Variants in GNE observed in about 807,000 individuals in gnomAD.
GNE encodes glucosamine (UDP-N-acetyl)-2-epimerase/N-acetylmannosamine kinase, also known as bifunctional UDP-N-acetylglucosamine 2-epimerase/N-acetylmannosamine kinase.
In GNE, 41 loss-of-function variants were observed where a neutral mutation model predicts 61.8. The observed-to-expected ratio is 0.66, with a 90% CI of 0.52 to 0.86. GNE has a LOEUF of 0.86. GNE is among the 40% of genes least tolerant of loss of function. GNE has a pLI of 0.00. For missense variants in GNE, 608 were observed against 909.1 expected (o/e 0.67, Z 4.26); for synonymous variants, 264 against 326.4 (o/e 0.81, Z 2.06).
At position 36,216,304 on chromosome 9, in the gene GNE, A is replaced by C. The variant is rs1828273859; in HGVS notation, c.*1061T>G. 1 of 380,294 alleles carries C rather than the reference A, an allele frequency of 2.6e-6. No individual in the cohort carries two copies. Among genetic ancestry groups the C allele is most frequent in the Non-Finnish European group, 5.2e-6 (1 of 192,166 alleles). The allele number at this position is 380,294 out of a possible 1,614,324, so 23.6% of individuals were successfully genotyped here. On this transcript the variant is annotated 3_prime_UTR_variant, in exon 12 of 12. Coordinates refer to ENST00000642385, the MANE Select transcript of GNE (RefSeq NM_005476.7). ...TGACTGGATCACCTTCTGTGATCTT[A>C]GTTTGGGGTTAGAGGAGGAAGGATG...
chr9:36,236,726 C>A, intron 4 of GNE, 106 bp downstream of exon 4: 4 of 951,448 alleles, frequency 4.2e-6, no homozygotes, highest in Non-Finnish European at 6.8e-6. Context: ...GAATAGAGTG[C>A]CCTTCAATGA....
chr9:36,230,881 C>G (rs1436304317), intron 5 of GNE, among the ~76,000 whole-genome samples: 1 of 151,882 alleles, frequency 6.6e-6, no homozygotes, highest in African/African-American at 2.4e-5. Context: ...AGGTGTTGAG[C>G]CACCACACCT....
rs1178251116 is a variant in GNE, at chr9:36,217,198, G to A, written c.*167C>T. Reference sequence around the variant, plus strand: ...AATAGCATCTACAAAAATAGGAGTGGGGAAAGGTGACTCTGGAAGAGGAGA... The same window carrying A: ...AATAGCATCTACAAAAATAGGAGTGAGGAAAGGTGACTCTGGAAGAGGAGA... On this transcript the variant is annotated 3_prime_UTR_variant, in exon 12 of 12. Coordinates refer to ENST00000642385, the MANE Select transcript of GNE (RefSeq NM_005476.7). 4.5e-6 allele frequency: 3 copies of A among 662,268 alleles called. No homozygotes were observed. Among genetic ancestry groups the A allele is most frequent in the Non-Finnish European group, 8.2e-6 (3 of 366,050 alleles). The allele number at this position is 662,268 out of a possible 1,614,324, so 41.0% of individuals were successfully genotyped here.
At chr9:36,239,961 C>T (rs1018290114) in intron 3 of GNE, among the ~76,000 whole-genome samples, 7 of 150,076 alleles carry the variant, frequency 4.7e-5, no homozygotes, top group African/African-American at 7.4e-5. Context: ...TTTGATTCTC[C>T]GCTTGGTCGC....
intron 9 of GNE, 48 bp from the exon 10 acceptor site, chr9:36,220,068 A>T (rs1056240614): frequency 6.9e-7 from 1 of 1,450,162 alleles, no homozygotes; most frequent in African/African-American, 1.4e-5. Context: ...CTGAAACAGA[A>T]AACTATGATA....
Position 36,218,887 on chromosome 9 carries a change from T to C in GNE, c.1817-588A>G, listed in dbSNP as rs549848423. Reference sequence around the variant, plus strand: ...GAATGAGATCATGGACATAAAGTATTTAGTTAAGTGCTGGCCACAGTAAAT... The same window carrying C: ...GAATGAGATCATGGACATAAAGTATCTAGTTAAGTGCTGGCCACAGTAAAT... On this transcript the variant is annotated intron_variant, in intron 10 of 11. Transcript: ENST00000642385. The surrounding 1 kb of genome is among the most constrained non-coding windows in gnomAD (Gnocchi z 4.1). Among the ~76,000 whole-genome samples the C allele has an allele frequency of 1.3e-5, 2 of 152,292 alleles. No individual in the cohort carries two copies. The highest frequency in any genetic ancestry group is 4.1e-4 in the South Asian group (2 of 4,824).
At position 36,217,582 on chromosome 9, in the gene GNE, A is replaced by C; in HGVS notation, c.1952T>G (p.Leu651Arg). The C allele has an allele frequency of 1.9e-6, 3 of 1,613,326 alleles. No individual in the cohort carries two copies. The highest frequency in any genetic ancestry group is 2.5e-6 in the Non-Finnish European group (3 of 1,179,172). ...ILRTAGTALG[L>R]GVVNILHTMN... Reference sequence around the variant, plus strand: ...GGTATGGAGGATGTTCACAACCCCAAGACCCAAAGCTGTTCCAGCTATAGG... The same window carrying C: ...GGTATGGAGGATGTTCACAACCCCACGACCCAAAGCTGTTCCAGCTATAGG... The change falls in exon 12 of 12, where the codon CTT (leucine) becomes CGT (arginine). Residue 651 changes from leucine (L) to arginine (R), a missense_variant. Transcript: ENST00000642385.
At chr9:36,242,287 CAA>C (rs201582112) in intron 3 of GNE, among the ~76,000 whole-genome samples, 3 of 145,338 alleles carry the variant, frequency 2.1e-5, no homozygotes, top group African/African-American at 2.5e-5. Flanking sequence ...GTTTAAAGAC[CAA>C]AAAAAAAAAA....
chr9:36,244,845 C>T (rs767439202), intron 3 of GNE, among the ~76,000 whole-genome samples: 21 of 150,418 alleles, frequency 1.4e-4, no homozygotes, highest in Non-Finnish European at 2.7e-4. Flanking sequence ...GAGGCTGAGG[C>T]AGGAGAATCG....
chr9:36,233,951 G>A lies in GNE; in HGVS notation c.951C>T (p.Asn317=), dbSNP rs1456510873. 1 of 1,614,032 alleles carries A rather than the reference G, an allele frequency of 6.2e-7. No individual in the cohort carries two copies. The highest frequency in any genetic ancestry group is 1.7e-5 in the Admixed American group (1 of 60,014). ...EVGAFGTPVI[N]LGTRQIGRET... ...CTCTTCCAATCTGACGTGTTCCCAGGTTGATCACAGGTGTTCCAAAAGCTC... is the reference window on the plus strand; with the variant it reads ...CTCTTCCAATCTGACGTGTTCCCAGATTGATCACAGGTGTTCCAAAAGCTC... Residue 317 remains asparagine, a synonymous_variant, in exon 5 of 12, where the codon AAC becomes AAT. Coordinates refer to ENST00000642385, the MANE Select transcript of GNE (RefSeq NM_005476.7).
intron 1 of GNE, among the ~76,000 whole-genome samples, chr9:36,269,228 CT>C (rs1830925875): frequency 6.6e-6 from 1 of 151,642 alleles, no homozygotes; most frequent in African/African-American, 2.4e-5. Context: ...ATAATTCTAC[CT>C]TTCAAATTAT....
chr9:36,226,620 C>G (rs979779065), intron 7 of GNE, among the ~76,000 whole-genome samples: 2 of 152,178 alleles, frequency 1.3e-5, no homozygotes, highest in Non-Finnish European at 2.9e-5. Context: ...AAAATCTTTG[C>G]TATTTCTCAT....
intron 1 of GNE, among the ~76,000 whole-genome samples, chr9:36,250,385 T>C (rs1830065843): frequency 1.3e-5 from 2 of 152,184 alleles, no homozygotes; most frequent in Admixed American, 1.3e-4. Context: ...CTGCTGTATG[T>C]CCTATAAACA....
chr9:36,257,424 A>G (rs2133160398), intron 1 of GNE, among the ~76,000 whole-genome samples: 2 of 152,224 alleles, frequency 1.3e-5, no homozygotes, highest in South Asian at 2.1e-4. Context: ...TTAACGAGTT[A>G]CCTATACTGC....
intron 3 of GNE, among the ~76,000 whole-genome samples, chr9:36,238,063 T>C (rs1331513191): frequency 2.7e-5 from 4 of 149,386 alleles, no homozygotes; most frequent in Admixed American, 6.7e-5. Context: ...GATGTAGATA[T>C]ATATAGATAC....
At chr9:36,275,813 T>C (rs547383036) in intron 1 of GNE, among the ~76,000 whole-genome samples, 22 of 152,262 alleles carry the variant, frequency 1.4e-4, no homozygotes, top group Non-Finnish European at 2.5e-4. Context: ...AAAGTATGCA[T>C]TGGTGATACA....
intron 7 of GNE, 32 bp downstream of exon 7, chr9:36,227,216 A>G: frequency 7.3e-7 from 1 of 1,367,278 alleles, no homozygotes; most frequent in South Asian, 1.2e-5. Flanking sequence ...CTCATATGGG[A>G]TATAAAGTTA....
intron 3 of GNE, among the ~76,000 whole-genome samples, chr9:36,245,010 G>T (rs1306453894): frequency 6.6e-6 from 1 of 151,594 alleles, no homozygotes. Flanking sequence ...AGGCACGGTG[G>T]CTCACGCTTG....
upstream of GNE, among the ~76,000 whole-genome samples, chr9:36,259,245 A>C (rs1023839641): frequency 3.9e-5 from 6 of 152,346 alleles, no homozygotes; most frequent in African/African-American, 1.2e-4. Context: ...GACCCTTTCA[A>C]ATTTCTGAGT....
Sources: gnomAD v4.1 joint callset for allele counts (sites outside exome capture counted in the v4.1 genomes callset) on GRCh38, gnomAD v4.1.1 for gene constraint, Gnocchi (gnomAD v3.1) non-coding constraint, MANE v1.5 for transcripts, NCBI Gene and HGNC (gene_info 2026-07-23, HGNC 2026-07-21) for gene names.